The following KIRREL3 variants were observed in gnomAD, a reference collection of about 807,000 sequenced individuals.
The protein encoded by KIRREL3 is kirre like nephrin family adhesion molecule 3.
KIRREL3 carries 36 observed loss-of-function variants against 89.7 expected under a neutral mutation model. That is an observed-to-expected ratio of 0.40 (90% confidence interval 0.31 to 0.53). The LOEUF (loss-of-function observed/expected upper bound fraction) is 0.53, where lower values mean the gene tolerates loss of function less well. Ranked by LOEUF, KIRREL3 falls within the 20% of genes least tolerant of loss-of-function variation. KIRREL3 has a pLI of 0.49. For missense variants in KIRREL3, 864 were observed against 1,056.6 expected (o/e 0.82, Z 2.53); for synonymous variants, 445 against 441.4 (o/e 1.01, Z -0.10).
intron 1 of KIRREL3, among the ~76,000 whole-genome samples, chr11:126,961,463 C>A (rs1949084709): frequency 6.6e-6 from 1 of 152,152 alleles, no homozygotes; most frequent in South Asian, 2.1e-4. Context: ...TTCTTTTAAG[C>A]CAACACCTAA....
chr11:126,540,117 G>T (rs1938240092), intron 2 of KIRREL3, among the ~76,000 whole-genome samples: 1 of 152,162 alleles, frequency 6.6e-6, no homozygotes, highest in African/African-American at 2.4e-5. Flanking sequence ...AGGGGTAGAA[G>T]ACAGGGCCTT....
chr11:126,529,704 C>G (rs1261642271), intron 2 of KIRREL3, among the ~76,000 whole-genome samples: 1 of 151,530 alleles, frequency 6.6e-6, no homozygotes, highest in Non-Finnish European at 1.5e-5. Flanking sequence ...GATGAGTACA[C>G]AGGAAAAATC....
intron 5 of KIRREL3, among the ~76,000 whole-genome samples, chr11:126,464,594 A>AGAGGAGGAGGAGGAGAAGAG (rs1956660408): frequency 6.6e-6 from 1 of 151,898 alleles, no homozygotes; most frequent in African/African-American, 2.4e-5. Flanking sequence ...GTGAAAGAGA[A>AGAGGAGGAGGAGGAGAAGAG]GAGGAGGAGG....
intron 1 of KIRREL3, among the ~76,000 whole-genome samples, chr11:126,711,763 A>G (rs1234867610): frequency 6.6e-6 from 1 of 152,230 alleles, no homozygotes; most frequent in Non-Finnish European, 1.5e-5. Context: ...CTATATTTTT[A>G]ACCAGTTCCC....
At chr11:126,442,377 A>G (rs1458193110) in intron 10 of KIRREL3, among the ~76,000 whole-genome samples, 1 of 150,208 alleles carries the variant, frequency 6.7e-6, no homozygotes, top group East Asian at 2.0e-4. Flanking sequence ...TGTGCTTCCC[A>G]GGAGCTAGGA....
In KIRREL3 at chr11:126,455,278, C is replaced by T. The variant is rs369663125; in HGVS notation, c.848+1071G>A. ...GAGGTGAGTCTGCCCTTGAGTGCCT[C>T]CAAGGTCACTTAGTCTCCTAGAGTC... On this transcript the variant is annotated intron_variant, in intron 7 of 16. Coordinates refer to ENST00000525144, the MANE Select transcript of KIRREL3 (RefSeq NM_032531.4). This position sits in a 1 kb window ranked among gnomAD's most constrained non-coding sequence, Gnocchi z 6.4. Among the ~76,000 whole-genome samples the T allele has an allele frequency of 2.4e-4, 37 of 152,338 alleles. No individual in the cohort carries two copies. The highest frequency in any genetic ancestry group is 8.9e-4 in the African/African-American group (37 of 41,582).
Position 126,565,375 on chromosome 11 carries a change from T to C in KIRREL3, c.56-2463A>G, listed in dbSNP as rs1940440783. On this transcript the variant is annotated intron_variant, in intron 1 of 16. Coordinates refer to ENST00000525144, the MANE Select transcript of KIRREL3 (RefSeq NM_032531.4). This position sits in a 1 kb window ranked among gnomAD's most constrained non-coding sequence, Gnocchi z 5.4. ...AAGAGTCTCACTGATTATGTTTGAT[T>C]TTTGCAAATGAGCAGGAAAAGAAGT... 6.6e-6 allele frequency among the ~76,000 whole-genome samples: 1 copy of C among 152,160 alleles called. No homozygotes were observed. Among genetic ancestry groups the C allele is most frequent in the Non-Finnish European group, 1.5e-5 (1 of 68,034 alleles).
At chr11:126,942,018 GCT>G (rs1334016077) in intron 1 of KIRREL3, among the ~76,000 whole-genome samples, 1 of 152,168 alleles carries the variant, frequency 6.6e-6, no homozygotes, top group African/African-American at 2.4e-5. Flanking sequence ...GCCTTTACCA[GCT>G]CTGTCATTTT....
Position 126,890,508 on chromosome 11 carries a change from C to G in KIRREL3, c.55+109947G>C, listed in dbSNP as rs1945870610. The stretch of plus-strand genomic sequence containing the variant: ...TGCTCAATTTTCAACAGGATCTCAT[C>G]AAGCACTTTGCCATTTAATGGTGAC... On this transcript the variant is annotated intron_variant, in intron 1 of 16. Transcript: ENST00000525144. The surrounding 1 kb of genome is among the most constrained non-coding windows in gnomAD (Gnocchi z 5.1). Among the ~76,000 whole-genome samples the G allele has an allele frequency of 2.0e-5, 3 of 152,248 alleles. No homozygotes were observed. Among genetic ancestry groups the G allele is most frequent in the African/African-American group, 4.8e-5 (2 of 41,460 alleles).
In KIRREL3 at chr11:126,685,406, C is replaced by CAG; in HGVS notation, c.56-122496_56-122495dup. 6.6e-6 allele frequency among the ~76,000 whole-genome samples: 1 copy of CAG among 152,190 alleles called. No homozygotes were observed. Among genetic ancestry groups the CAG allele is most frequent in the South Asian group, 2.1e-4 (1 of 4,816 alleles). ...GAAGGAGATGGGGTAGCTGCCTTAC[C>CAG]AGAGAGAGCGGGATTTCTCAGACAC... On this transcript the variant is annotated intron_variant, in intron 1 of 16. Coordinates refer to ENST00000525144, the MANE Select transcript of KIRREL3 (RefSeq NM_032531.4). The surrounding 1 kb of genome is among the most constrained non-coding windows in gnomAD (Gnocchi z 5.5).
chr11:126,820,075 T>C (rs1943153952), intron 1 of KIRREL3, among the ~76,000 whole-genome samples: 1 of 152,342 alleles, frequency 6.6e-6, no homozygotes, highest in Admixed American at 6.5e-5. Context: ...ACCTAACAGA[T>C]GCTAGGCACT....
rs558001620 is a variant in KIRREL3, at chr11:126,745,394, C to T, written c.56-182482G>A. 2.6e-4 allele frequency among the ~76,000 whole-genome samples: 39 copies of T among 150,124 alleles called. No homozygotes were observed. The South Asian group carries it at 8.2e-3, about 32-fold the overall frequency. ...CATTTCAACATCTGAAAAAAAAAGACAAAATGGAATTTTACAATGTGGTCA... is the reference window on the plus strand; with the variant it reads ...CATTTCAACATCTGAAAAAAAAAGATAAAATGGAATTTTACAATGTGGTCA... On this transcript the variant is annotated intron_variant, in intron 1 of 16. Transcript: ENST00000525144.
rs930761726 is a variant in KIRREL3, at chr11:126,965,066, C to T, written c.55+35389G>A. 6.6e-6 allele frequency among the ~76,000 whole-genome samples: 1 copy of T among 152,020 alleles called. No individual in the cohort carries two copies. The highest frequency in any genetic ancestry group is 1.5e-5 in the Non-Finnish European group (1 of 68,002). ...CAACTCAACAGATGGGATATTAGAG[C>T]CAAGAAAAAGTTAAGTAATTTTACC... On this transcript the variant is annotated intron_variant, in intron 1 of 16. Coordinates refer to ENST00000525144, the MANE Select transcript of KIRREL3 (RefSeq NM_032531.4). The surrounding 1 kb of genome is among the most constrained non-coding windows in gnomAD (Gnocchi z 4.4).
At position 126,523,174 on chromosome 11, in the gene KIRREL3, G is replaced by C. The variant is rs556777551; in HGVS notation, c.284-1710C>G. Reference sequence around the variant, plus strand: ...TATCCAACAAGGATCTGGGATGCCAGAGAGTGTAGTGAGGTCCCCATCACT... The same window carrying C: ...TATCCAACAAGGATCTGGGATGCCACAGAGTGTAGTGAGGTCCCCATCACT... On this transcript the variant is annotated intron_variant, in intron 3 of 16. Coordinates refer to ENST00000525144, the MANE Select transcript of KIRREL3 (RefSeq NM_032531.4). This position sits in a 1 kb window ranked among gnomAD's most constrained non-coding sequence, Gnocchi z 4.9. 6.6e-6 allele frequency among the ~76,000 whole-genome samples: 1 copy of C among 152,318 alleles called. No individual in the cohort carries two copies. The highest frequency in any genetic ancestry group is 1.5e-5 in the Non-Finnish European group (1 of 68,034).
In KIRREL3 at chr11:126,526,448, C is replaced by A; in HGVS notation, c.283+90G>T. ...AGCTAGAGATTCGATACTCAGACAC[C>A]TGTGAAGATGGGTGCTCCCTAGGAA... On this transcript the variant is annotated intron_variant, in intron 3 of 16. Coordinates refer to ENST00000525144, the MANE Select transcript of KIRREL3 (RefSeq NM_032531.4). This position sits in a 1 kb window ranked among gnomAD's most constrained non-coding sequence, Gnocchi z 5.7. 1 of 1,284,900 alleles carries A rather than the reference C, an allele frequency of 7.8e-7. No individual in the cohort carries two copies. The highest frequency in any genetic ancestry group is 1.4e-5 in the South Asian group (1 of 69,944). 79.6% of individuals were successfully genotyped at this position (1,284,900 alleles called of 1,614,324 possible).
intron 1 of KIRREL3, among the ~76,000 whole-genome samples, chr11:126,821,894 T>C (rs1327671265): frequency 6.6e-6 from 1 of 152,096 alleles, no homozygotes; most frequent in East Asian, 1.9e-4. Context: ...TGGAAGCAAA[T>C]TCTCCCTAGA....
At chr11:126,603,034 A>G (rs1942731746) in intron 1 of KIRREL3, among the ~76,000 whole-genome samples, 3 of 152,278 alleles carry the variant, frequency 2.0e-5, no homozygotes, top group African/African-American at 7.2e-5. Flanking sequence ...AAGGAACCCT[A>G]GAACATGCTC....
chr11:126,711,891 A>G (rs1335596594), intron 1 of KIRREL3, among the ~76,000 whole-genome samples: 1 of 152,202 alleles, frequency 6.6e-6, no homozygotes, highest in African/African-American at 2.4e-5. Context: ...GCTTCATTAT[A>G]AAAAGCAGAA....
At chr11:126,598,695 T>G (rs1232820690) in intron 1 of KIRREL3, among the ~76,000 whole-genome samples, 1 of 152,230 alleles carries the variant, frequency 6.6e-6, no homozygotes, top group Admixed American at 6.5e-5. Context: ...ACTTTGGATC[T>G]CTGCTACACC....
Sources: allele counts gnomAD v4.1 joint callset (sites outside exome capture counted in the v4.1 genomes callset), GRCh38; gene constraint gnomAD v4.1.1; non-coding constraint Gnocchi (gnomAD v3.1); transcripts MANE v1.5; gene names NCBI Gene and HGNC (gene_info 2026-07-23, HGNC 2026-07-21).